Variants in NIM1K observed in about 807,000 individuals in gnomAD.
NIM1K encodes the protein serine/threonine-protein kinase NIM1.
Under a neutral mutation model 37.1 loss-of-function variants are expected in NIM1K, and 35 were observed. That is an observed-to-expected ratio of 0.94 (90% CI 0.72 to 1.25). The LOEUF (loss-of-function observed/expected upper bound fraction) is 1.25. Ranked by LOEUF, NIM1K falls within the 50% of genes most tolerant of loss-of-function variation. The probability of loss-of-function intolerance (pLI) is 0.00; values close to 1 mark genes in which losing one functional copy is unlikely to be tolerated. For synonymous variants in NIM1K, 234 were observed against 206.6 expected (o/e 1.13, Z -1.14); for missense variants, 564 against 548.0 (o/e 1.03, Z -0.29).
chr5:43,217,839 G>A (rs985791551), intron 1 of NIM1K, among the ~76,000 whole-genome samples: 1 of 151,280 alleles, frequency 6.6e-6, no homozygotes, highest in African/African-American at 2.4e-5. Flanking sequence ...AGCCTCCCGA[G>A]TACCTGGGAT....
At chr5:43,206,715 C>T in intron 1 of NIM1K, 1 of 716,166 alleles carries the variant, frequency 1.4e-6, no homozygotes, top group Non-Finnish European at 2.6e-6. Flanking sequence ...CTCACTAAGG[C>T]AGCAGCACAG....
chr5:43,242,477 G>A (rs1362342931), intron 1 of NIM1K, among the ~76,000 whole-genome samples: 1 of 151,846 alleles, frequency 6.6e-6, no homozygotes, highest in Non-Finnish European at 1.5e-5. Context: ...GCATTTCGAA[G>A]CAGTTCTGTC....
chr5:43,225,472 A>G (rs1032088050), intron 1 of NIM1K: 1 of 152,198 alleles, frequency 6.6e-6, no homozygotes, highest in Non-Finnish European at 1.5e-5. Context: ...GAAAAGTCCC[A>G]TGTTTCACAT....
rs746638010 is a variant in NIM1K at position 43,272,706 on chromosome 5, G to A, written c.293-4351G>A. 3.3e-5 allele frequency among the ~76,000 whole-genome samples: 5 copies of A among 152,080 alleles called. No individual in the cohort carries two copies. In the South Asian group the frequency reaches 6.2e-4, roughly 19 times the overall value. On this transcript the variant is annotated intron_variant, in intron 2 of 3. Coordinates refer to ENST00000326035, the MANE Select transcript of NIM1K (RefSeq NM_153361.4). Reference sequence around the variant, plus strand: ...TTGGTCCTGTAGACGTATTTTGCTTGGTCTAATCTAGGTTTTAAAATTTGA... The same window carrying A: ...TTGGTCCTGTAGACGTATTTTGCTTAGTCTAATCTAGGTTTTAAAATTTGA...
chr5:43,252,573 TGAAAAAAAAAAAA>T (rs1752880877), intron 2 of NIM1K, among the ~76,000 whole-genome samples: 1 of 7,762 alleles, frequency 1.3e-4, no homozygotes, highest in African/African-American at 2.2e-4. Context: ...TCTAAAAAAT[TGAAAAAAAAAAAA>T]AATAAAGAAA....
rs60535007 is a variant in NIM1K at position 43,208,460 on chromosome 5, G to A, written c.-695+16049G>A. On this transcript the variant is annotated intron_variant, in intron 1 of 3. Coordinates refer to ENST00000326035, the MANE Select transcript of NIM1K (RefSeq NM_153361.4). ...TCTATTAAAAATACAAAAATTAGCC[G>A]GGCGTGGTGGCAGACACCTGTAGTC... Among the ~76,000 whole-genome samples, 897 of 152,010 alleles carry A rather than the reference G, an allele frequency of 5.9e-3. 9 individuals are homozygous for A. Among genetic ancestry groups the A allele is most frequent in the African/African-American group, 0.019 (793 of 41,468 alleles).
At chr5:43,196,814 C>T (rs987123011) in intron 1 of NIM1K, among the ~76,000 whole-genome samples, 12 of 151,828 alleles carry the variant, frequency 7.9e-5, no homozygotes, top group African/African-American at 2.9e-4. Context: ...ACACTGTTGC[C>T]CAGGGTAGAG....
chr5:43,277,110 A>T lies in NIM1K; in HGVS notation c.346A>T (p.Arg116Trp). The change falls in exon 3 of 4, where the codon AGG becomes TGG. Residue 116 changes from arginine to tryptophan, a missense_variant. Transcript: ENST00000326035. ...GACCAAGTTAGACCAGAAAACCCAG[A>T]GGCTACTATCCCGAGAAATCTCCAG... ...DKTKLDQKTQ[R>W]LLSREISSME... is the part of the protein sequence containing the mutation. 6.2e-7 allele frequency: 1 copy of T among 1,614,148 alleles called. No homozygotes were observed. The highest frequency in any genetic ancestry group is 8.5e-7 in the Non-Finnish European group (1 of 1,179,990).
intron 1 of NIM1K, among the ~76,000 whole-genome samples, chr5:43,216,607 C>T (rs1752303278): frequency 6.6e-6 from 1 of 152,198 alleles, no homozygotes; most frequent in Non-Finnish European, 1.5e-5. Flanking sequence ...TGTCCTTTGT[C>T]TCCTAATCCA....
chr5:43,247,113 A>T (rs573428667), intron 2 of NIM1K, among the ~76,000 whole-genome samples: 1 of 152,144 alleles, frequency 6.6e-6, no homozygotes, highest in East Asian at 1.9e-4. Flanking sequence ...GCCTTTATAG[A>T]AAAAGCTCCA....
intron 2 of NIM1K, among the ~76,000 whole-genome samples, chr5:43,276,407 C>T (rs1278628275): frequency 6.6e-6 from 1 of 152,230 alleles, no homozygotes; most frequent in Non-Finnish European, 1.5e-5. Context: ...CTCATGTGAA[C>T]TCAGAGCGAG....
rs1225359089 is a variant in NIM1K, at chr5:43,199,205, ATATATAT to A, written c.-695+6795_-695+6801del. On this transcript the variant is annotated intron_variant, in intron 1 of 3. Coordinates refer to ENST00000326035, the MANE Select transcript of NIM1K (RefSeq NM_153361.4). ...CTCTGTCTCCAAAAAAAAAAAAAAA[ATATATAT>A]ATATATATATATATATATATATATA... 6.3e-3 allele frequency among the ~76,000 whole-genome samples: 376 copies of A among 59,454 alleles called. 13 individuals are homozygous for A. Among genetic ancestry groups the A allele is most frequent in the Admixed American group, 7.5e-3 (25 of 3,324 alleles). 39.0% of individuals were successfully genotyped at this position (59,454 alleles called of 152,430 possible).
chr5:43,201,720 G>A (rs1344565699), intron 1 of NIM1K, among the ~76,000 whole-genome samples: 1 of 152,062 alleles, frequency 6.6e-6, no homozygotes. Context: ...CAGCACTGTG[G>A]GAGGCTGAGG....
At chr5:43,196,472 CAA>C (rs35053237) in intron 1 of NIM1K, among the ~76,000 whole-genome samples, 13 of 141,654 alleles carry the variant, frequency 9.2e-5, no homozygotes, top group Non-Finnish European at 1.1e-4. Context: ...ACTAAATATA[CAA>C]AAAAAAAAAA....
chr5:43,229,751 C>A (rs1579968136), intron 1 of NIM1K, among the ~76,000 whole-genome samples: 1 of 151,336 alleles, frequency 6.6e-6, no homozygotes, highest in East Asian at 2.0e-4. Flanking sequence ...ATTCTTCTGC[C>A]TCAGCCTCCT....
intron 1 of NIM1K, among the ~76,000 whole-genome samples, chr5:43,198,195 CTTTCTTTCTTTCTCTTTCTT>C (rs1379842903): frequency 1.9e-3 from 103 of 53,506 alleles, no homozygotes; most frequent in Admixed American, 4.2e-3. Flanking sequence ...TTCTTTCTTT[CTTTCTTTCTTTCTCTTTCTT>C]TCTTTCTTTC....
At chr5:43,250,466 A>G (rs1333582121) in intron 2 of NIM1K, among the ~76,000 whole-genome samples, 1 of 152,222 alleles carries the variant, frequency 6.6e-6, no homozygotes, top group Non-Finnish European at 1.5e-5. Context: ...CTCTCAGCAT[A>G]CATTCCTAGA....
At chr5:43,254,628 C>A (rs1278615859) in intron 2 of NIM1K, among the ~76,000 whole-genome samples, 1 of 152,196 alleles carries the variant, frequency 6.6e-6, no homozygotes, top group Non-Finnish European at 1.5e-5. Context: ...CAATGCATAG[C>A]AGCACCTTCT....
chr5:43,262,970 C>G (rs189931724), intron 2 of NIM1K, among the ~76,000 whole-genome samples: 1 of 152,148 alleles, frequency 6.6e-6, no homozygotes, highest in Non-Finnish European at 1.5e-5. Flanking sequence ...CCAACTTGAT[C>G]GTGGTGGATA....
Sources: gnomAD v4.1 joint callset for allele counts (sites outside exome capture counted in the v4.1 genomes callset) on GRCh38, gnomAD v4.1.1 for gene constraint, MANE v1.5 for transcripts, NCBI Gene and HGNC (gene_info 2026-07-23, HGNC 2026-07-21) for gene names.